The following CBFA2T2 variants were observed in gnomAD, a reference collection of about 807,000 sequenced individuals.
CBFA2T2 encodes CBFA2/RUNX1 partner transcriptional co-repressor 2.
A neutral mutation model predicts 62.2 loss-of-function variants in CBFA2T2; 11 were observed. The ratio of observed to expected loss-of-function variants is 0.18; its 90% CI spans 0.11 to 0.29. The LOEUF is 0.29. Ranked by LOEUF, CBFA2T2 falls within the 10% of genes least tolerant of loss-of-function variation. CBFA2T2 has a pLI of 1.00. For missense variants in CBFA2T2, 592 were observed against 774.1 expected, an observed-to-expected ratio of 0.76 and a Z score of 2.79; for synonymous variants, 295 against 287.5, an observed-to-expected ratio of 1.03 and a Z score of -0.27.
chr20:33,578,366 T>C (rs1040719973), intron 1 of CBFA2T2, among the ~76,000 whole-genome samples: 2 of 152,230 alleles, frequency 1.3e-5, no homozygotes, highest in Non-Finnish European at 2.9e-5. Flanking sequence ...AATTTGGGCC[T>C]AAAGTTTAAT....
intron 1 of CBFA2T2, among the ~76,000 whole-genome samples, chr20:33,590,553 C>G (rs1292142140): frequency 6.6e-6 from 1 of 152,132 alleles, no homozygotes; most frequent in Non-Finnish European, 1.5e-5. Flanking sequence ...AGAACTCTTA[C>G]CAACTGATGG....
intron 4 of CBFA2T2, 87 bp from the exon 5 acceptor site, chr20:33,623,028 G>T: frequency 7.9e-7 from 1 of 1,268,596 alleles, no homozygotes; most frequent in Non-Finnish European, 1.1e-6. Context: ...CTTTTATCTT[G>T]TATCATCTGC....
At chr20:33,536,007 A>G (rs1244988617) in intron 1 of CBFA2T2, among the ~76,000 whole-genome samples, 1 of 152,210 alleles carries the variant, frequency 6.6e-6, no homozygotes, top group Non-Finnish European at 1.5e-5. Context: ...GATCAACAGG[A>G]TCCCAAGGCA....
At chr20:33,643,823 TA>T (rs1324127452) in intron 10 of CBFA2T2, among the ~76,000 whole-genome samples, 1 of 47,670 alleles carries the variant, frequency 2.1e-5, no homozygotes, top group African/African-American at 1.1e-4. Flanking sequence ...ATATAGTATA[TA>T]ATGTGTGTGT....
intron 1 of CBFA2T2, among the ~76,000 whole-genome samples, chr20:33,550,417 G>C (rs1259845385): frequency 6.6e-6 from 1 of 152,018 alleles, no homozygotes; most frequent in Non-Finnish European, 1.5e-5. Context: ...GGATTGGCTT[G>C]GATTCTTTCT....
chr20:33,595,201 T>C (rs17124806), intron 1 of CBFA2T2, among the ~76,000 whole-genome samples: 2,032 of 152,320 alleles, frequency 0.013, 43 homozygotes, highest in African/African-American at 0.046. Context: ...TGTCTAATAA[T>C]ATCTTACACT....
chr20:33,609,249 C>G (rs1813782332), intron 2 of CBFA2T2, among the ~76,000 whole-genome samples: 1 of 152,142 alleles, frequency 6.6e-6, no homozygotes, highest in African/African-American at 2.4e-5. Context: ...ACCTATAATC[C>G]TAACACTTTG....
At chr20:33,634,670 C>CAAAA (rs758089440) in intron 8 of CBFA2T2, among the ~76,000 whole-genome samples, 26 of 47,920 alleles carry the variant, frequency 5.4e-4, no homozygotes, top group South Asian at 1.0e-3. Context: ...ACCCTATGTC[C>CAAAA]AAAAAAAAAA....
chr20:33,495,146 C>T (rs2011186380), intron 1 of CBFA2T2, among the ~76,000 whole-genome samples: 1 of 151,780 alleles, frequency 6.6e-6, no homozygotes, highest in Non-Finnish European at 1.5e-5. Flanking sequence ...GCCTGTAATC[C>T]CACCATTTGG....
intron 1 of CBFA2T2, among the ~76,000 whole-genome samples, chr20:33,543,696 G>A (rs561994935): frequency 2.9e-4 from 44 of 152,292 alleles, no homozygotes; most frequent in Admixed American, 2.4e-3. Flanking sequence ...GTGAGTGTGT[G>A]CTGAGGTGCC....
At chr20:33,643,966 G>T (rs894952844) in intron 10 of CBFA2T2, among the ~76,000 whole-genome samples, 3 of 150,502 alleles carry the variant, frequency 2.0e-5, no homozygotes, top group Non-Finnish European at 4.4e-5. Context: ...GATGGCTCTT[G>T]GGGGAGACCC....
chr20:33,525,177 C>T (rs1412949155), intron 1 of CBFA2T2, among the ~76,000 whole-genome samples: 1 of 148,620 alleles, frequency 6.7e-6, no homozygotes. Context: ...AATTCACATA[C>T]CCTACCTCCA....
intron 2 of CBFA2T2, among the ~76,000 whole-genome samples, 160 bp from the exon 3 acceptor site, chr20:33,610,934 T>A (rs987246041): frequency 6.6e-6 from 1 of 152,240 alleles, no homozygotes; most frequent in Non-Finnish European, 1.5e-5. Flanking sequence ...CATTTTTATC[T>A]GACAGCAGTC....
In CBFA2T2 at chr20:33,636,700, A is replaced by G. The variant is rs2016646836; in HGVS notation, c.1289A>G (p.Lys430Arg). The G allele has an allele frequency of 1.9e-6, 3 of 1,612,446 alleles. No homozygotes were observed. Among genetic ancestry groups the G allele is most frequent in the Non-Finnish European group, 2.5e-6 (3 of 1,178,580 alleles). ...GTGYVPVEFW[K>R]KTEEAVNKVK... ...GGATACGTACCTGTGGAGTTTTGGA[A>G]AAAAACAGGTATGTGTCTGACTGCT... The change falls in exon 9 of 11, where the codon AAA becomes AGA. Residue 430 changes from lysine to arginine, a missense_variant. By Grantham distance (26) the Lys-to-Arg change is conservative (BLOSUM62 2). Coordinates refer to ENST00000342704, the MANE Select transcript of CBFA2T2 (RefSeq NM_001032999.3).
At chr20:33,526,293 G>T (rs2011883998) in intron 1 of CBFA2T2, among the ~76,000 whole-genome samples, 1 of 152,174 alleles carries the variant, frequency 6.6e-6, no homozygotes, top group South Asian at 2.1e-4. Context: ...AATAAATAAG[G>T]TGTCTTTCAT....
At chr20:33,606,566 T>C (rs1311609604) in intron 1 of CBFA2T2, among the ~76,000 whole-genome samples, 2 of 152,092 alleles carry the variant, frequency 1.3e-5, no homozygotes, top group Non-Finnish European at 2.9e-5. Context: ...CATTCCTCGG[T>C]GTATAGATGT....
chr20:33,544,958 A>G (rs1188415562), intron 1 of CBFA2T2, among the ~76,000 whole-genome samples: 1 of 87,746 alleles, frequency 1.1e-5, no homozygotes, highest in Non-Finnish European at 2.4e-5. Context: ...AATAGAATAG[A>G]ATAGAATAGA....
At chr20:33,495,356 A>T (rs972730186) in intron 1 of CBFA2T2, among the ~76,000 whole-genome samples, 3 of 147,974 alleles carry the variant, frequency 2.0e-5, no homozygotes, top group Non-Finnish European at 4.5e-5. Flanking sequence ...ATTGCACTCC[A>T]GCCTGGGCAA....
chr20:33,530,809 G>C (rs760495102), intron 1 of CBFA2T2, among the ~76,000 whole-genome samples: 5 of 152,046 alleles, frequency 3.3e-5, no homozygotes, highest in East Asian at 1.9e-4. Context: ...CGCCAGGCGC[G>C]GTGGCTCACA....
Sources: allele counts gnomAD v4.1 joint callset (sites outside exome capture counted in the v4.1 genomes callset), GRCh38; gene constraint gnomAD v4.1.1; transcripts MANE v1.5; gene names NCBI Gene and HGNC (gene_info 2026-07-23, HGNC 2026-07-21).